The following SLIT2 variants were observed in gnomAD, a reference collection of about 807,000 sequenced individuals.
The protein encoded by SLIT2 is slit homolog 2 protein.
Under a neutral mutation model 185.7 loss-of-function variants are expected in SLIT2, and 41 were observed. That is an observed-to-expected ratio of 0.22 (90% CI 0.17 to 0.29). The LOEUF (loss-of-function observed/expected upper bound fraction) is 0.29. SLIT2 is among the 10% of genes least tolerant of loss of function. The pLI, the probability that SLIT2 is intolerant of heterozygous loss-of-function variation, is 1.00. For missense variants in SLIT2, 1,571 were observed against 1,909.0 expected (o/e 0.82, Z 3.30); for synonymous variants, 693 against 680.2 (o/e 1.02, Z -0.29).
chr4:20,541,527 T>C lies in SLIT2; in HGVS notation c.2051T>C (p.Ile684Thr). The change falls in exon 20 of 37, where the codon ATT becomes ACT. Residue 684 changes from isoleucine to threonine, a missense_variant. Physicochemically the swap from Ile to Thr is moderately conservative, Grantham distance 89. Coordinates refer to ENST00000504154, the MANE Select transcript of SLIT2 (RefSeq NM_004787.4). The part of the protein sequence containing the change: ...WLGEWLRKKR[I>T]VTGNPRCQKP... ...GGAGAGTGGCTGAGAAAGAAGAGAA[T>C]TGTCACGGGAAATCCTAGATGTCAA... The C allele has an allele frequency of 1.9e-6, 3 of 1,613,910 alleles. No homozygotes were observed. The highest frequency in any genetic ancestry group is 2.2e-5 in the East Asian group (1 of 44,856).
intron 4 of SLIT2, among the ~76,000 whole-genome samples, chr4:20,269,328 A>G (rs1021427220): frequency 6.6e-6 from 1 of 151,866 alleles, no homozygotes; most frequent in Admixed American, 6.6e-5. Context: ...ATTATAAGGT[A>G]TTTAAAGAGG....
intron 4 of SLIT2, among the ~76,000 whole-genome samples, chr4:20,400,143 T>A (rs1257097790): frequency 2.6e-5 from 4 of 151,850 alleles, no homozygotes; most frequent in Non-Finnish European, 5.9e-5. Flanking sequence ...AGGGGGACTT[T>A]CTACTTTATT....
chr4:20,591,462 T>G (rs1006929268), intron 30 of SLIT2, among the ~76,000 whole-genome samples: 13 of 152,288 alleles, frequency 8.5e-5, no homozygotes, highest in Admixed American at 5.9e-4. Context: ...ATGTAGAATA[T>G]GTAGGTACAG....
intron 9 of SLIT2, among the ~76,000 whole-genome samples, chr4:20,496,374 G>A (rs1237928980): frequency 2.0e-5 from 3 of 152,162 alleles, no homozygotes; most frequent in African/African-American, 7.2e-5. Flanking sequence ...TTAAATACTT[G>A]CAATGTTGGA....
intron 3 of SLIT2, among the ~76,000 whole-genome samples, chr4:20,263,680 C>T (rs1484216719): frequency 6.6e-6 from 1 of 151,802 alleles, no homozygotes; most frequent in African/African-American, 2.4e-5. Context: ...GGATCTTGAT[C>T]ACCTTGCTTC....
chr4:20,485,709 T>A lies in SLIT2; in HGVS notation c.540-491T>A, dbSNP rs867671966. Among the ~76,000 whole-genome samples, 7 of 152,190 alleles carry A rather than the reference T, an allele frequency of 4.6e-5. No homozygotes were observed. The South Asian group carries it at 1.2e-3, about 27-fold the overall frequency. ...AGCAGTGGCTGATGTCTGCGGTAAA[T>A]AATAGTTATCAGGACTCTGTTCCAA... On this transcript the variant is annotated intron_variant, in intron 6 of 36. Coordinates refer to ENST00000504154, the MANE Select transcript of SLIT2 (RefSeq NM_004787.4).
intron 4 of SLIT2, among the ~76,000 whole-genome samples, chr4:20,367,496 A>C (rs1286268433): frequency 6.6e-6 from 1 of 152,166 alleles, no homozygotes; most frequent in Non-Finnish European, 1.5e-5. Context: ...ATTTTAAACC[A>C]TTTATGGAGA....
intron 34 of SLIT2, 146 bp from the exon 35 acceptor site, chr4:20,616,764 C>A: frequency 1.3e-6 from 1 of 767,840 alleles, no homozygotes; most frequent in Non-Finnish European, 2.1e-6. Flanking sequence ...CTCTACATCT[C>A]TTCTCCACTT....
intron 4 of SLIT2, among the ~76,000 whole-genome samples, chr4:20,343,090 T>G (rs1266396939): frequency 6.6e-6 from 1 of 152,092 alleles, no homozygotes; most frequent in Non-Finnish European, 1.5e-5. Context: ...CTTCTAGCTA[T>G]TTTAAAAGTA....
chr4:20,304,805 C>A (rs1273247678), intron 4 of SLIT2, among the ~76,000 whole-genome samples: 1 of 152,070 alleles, frequency 6.6e-6, no homozygotes, highest in East Asian at 1.9e-4. Context: ...AAAAACTGCC[C>A]ACTCACACCA....
chr4:20,485,411 A>G (rs1717120158), intron 6 of SLIT2, among the ~76,000 whole-genome samples: 1 of 152,084 alleles, frequency 6.6e-6, no homozygotes, highest in African/African-American at 2.4e-5. Flanking sequence ...GTAATAATCA[A>G]TAATAATAAT....
chr4:20,512,983 T>C (rs1719889239), intron 11 of SLIT2, among the ~76,000 whole-genome samples: 1 of 152,218 alleles, frequency 6.6e-6, no homozygotes, highest in Admixed American at 6.5e-5. Context: ...ACATTATGTT[T>C]GTTGATAAAC....
intron 17 of SLIT2, chr4:20,533,250 G>T: frequency 4.9e-6 from 1 of 203,728 alleles, no homozygotes; most frequent in Non-Finnish European, 9.8e-6. Flanking sequence ...GACTTTTTTT[G>T]AAAAGTTTCT....
intron 4 of SLIT2, among the ~76,000 whole-genome samples, chr4:20,338,684 A>G (rs1279580324): frequency 6.6e-6 from 1 of 152,196 alleles, no homozygotes; most frequent in Admixed American, 6.5e-5. Flanking sequence ...AGAAAAGAGA[A>G]AAATGAATGT....
intron 11 of SLIT2, among the ~76,000 whole-genome samples, chr4:20,518,557 G>GTGTGTGTGTA (rs1271279922): frequency 1.7e-4 from 3 of 17,848 alleles, no homozygotes; most frequent in African/African-American, 4.4e-4. Flanking sequence ...CAGCCTATAT[G>GTGTGTGTGTA]TATATATATA....
At chr4:20,472,278 A>ATATAGATC (rs1560452685) in intron 5 of SLIT2, among the ~76,000 whole-genome samples, 9,053 of 32,764 alleles carry the variant, frequency 0.28, 1,993 homozygotes, top group Non-Finnish European at 0.31. Flanking sequence ...ATATATATCT[A>ATATAGATC]TATATATAGA....
Position 20,617,498 on chromosome 4 carries a change from AG to A in SLIT2, c.4199del (p.Gly1400AlafsTer59), listed in dbSNP as rs748443209. The A allele has an allele frequency of 7.4e-6, 12 of 1,613,946 alleles. No individual in the cohort carries two copies. Among genetic ancestry groups the A allele is most frequent in the Non-Finnish European group, 9.3e-6 (11 of 1,180,000 alleles). On this transcript the variant is annotated frameshift_variant, in exon 36 of 37. Transcript: ENST00000504154. LOFTEE classifies it high-confidence loss of function. ...TTCTCCTACAGCTGTAAGTGCTTGG[AG>A]GGCCATGGAGGTGTCCTCTGTGATG... Reference protein sequence around the residue: ...NAFSYSCKCLEGHGGVLCDEE... With the variant: ...NAFSYSCKCLXGHGGVLCDEE...
chr4:20,285,078 T>G (rs538910927), intron 4 of SLIT2, among the ~76,000 whole-genome samples: 1 of 152,346 alleles, frequency 6.6e-6, no homozygotes, highest in East Asian at 1.9e-4. Flanking sequence ...TTGTCTTCCC[T>G]GTACAAGGGG....
intron 4 of SLIT2, among the ~76,000 whole-genome samples, chr4:20,395,676 T>C (rs962898713): frequency 6.6e-6 from 1 of 152,006 alleles, no homozygotes; most frequent in African/African-American, 2.4e-5. Flanking sequence ...TATAAATAGC[T>C]ACATGCTAGC....
Sources: allele counts gnomAD v4.1 joint callset (sites outside exome capture counted in the v4.1 genomes callset), GRCh38; gene constraint gnomAD v4.1.1; transcripts MANE v1.5; gene names NCBI Gene and HGNC (gene_info 2026-07-23, HGNC 2026-07-21).